The following NAA15 variants were observed in gnomAD, a reference collection of about 807,000 sequenced individuals.
The protein encoded by NAA15 is N-alpha-acetyltransferase 15, NatA auxiliary subunit, also known as N-terminal acetyltransferase.
NAA15 carries 34 observed loss-of-function variants against 114.0 expected under a neutral mutation model. The observed-to-expected ratio is 0.30, with a 90% CI of 0.23 to 0.40. NAA15 has a LOEUF of 0.40. Among genes scored for constraint, NAA15 ranks in the 10% least tolerant of loss-of-function variants. The pLI is 1.00. For synonymous variants in NAA15, 340 were observed against 338.0 expected, an observed-to-expected ratio of 1.01 and a Z score of -0.06; for missense variants, 658 against 1,004.5, an observed-to-expected ratio of 0.66 and a Z score of 4.66.
chr4:139,322,405 T>C (rs933540234), intron 1 of NAA15, among the ~76,000 whole-genome samples: 6 of 152,236 alleles, frequency 3.9e-5, no homozygotes, highest in Non-Finnish European at 4.4e-5. Flanking sequence ...CTCTTTGTTT[T>C]GTAAATTGCC....
chr4:139,307,906 A>G (rs1746077402), intron 1 of NAA15, among the ~76,000 whole-genome samples: 1 of 152,128 alleles, frequency 6.6e-6, no homozygotes, highest in South Asian at 2.1e-4. Context: ...TTGTTAGGCA[A>G]AGGAGTAGTA....
In NAA15 at chr4:139,315,511, G is replaced by A. The variant is rs145284199; in HGVS notation, c.54+13680G>A. 1.1e-3 allele frequency among the ~76,000 whole-genome samples: 170 copies of A among 151,840 alleles called. 3 individuals are homozygous for A. The highest frequency in any genetic ancestry group is 4.0e-3 in the African/African-American group (164 of 41,362). ...CCAGCCTGAGTGACAGCGTGAGACCGCGTCTCAAGAACAACAATAACAACA... is the reference window on the plus strand; with the variant it reads ...CCAGCCTGAGTGACAGCGTGAGACCACGTCTCAAGAACAACAATAACAACA... On this transcript the variant is annotated intron_variant, in intron 1 of 19. Transcript: ENST00000296543.
chr4:139,374,079 TA>T (rs1748516352), intron 15 of NAA15, among the ~76,000 whole-genome samples: 1 of 152,208 alleles, frequency 6.6e-6, no homozygotes, highest in African/African-American at 2.4e-5. Context: ...AGTCTTTCTT[TA>T]AAAAGTTGTA....
intron 15 of NAA15, among the ~76,000 whole-genome samples, chr4:139,371,133 C>T (rs148029394): frequency 4.9e-4 from 75 of 152,228 alleles, no homozygotes; most frequent in Middle Eastern, 3.4e-3. Context: ...AGGAAGCAGT[C>T]GCCCCAGACT....
At chr4:139,333,168 T>C (rs975545034) in intron 1 of NAA15, among the ~76,000 whole-genome samples, 4 of 151,722 alleles carry the variant, frequency 2.6e-5, no homozygotes, top group African/African-American at 9.7e-5. Context: ...TTTTTTTTCC[T>C]AATACTTTCT....
intron 4 of NAA15, 83 bp from the exon 5 acceptor site, chr4:139,342,743 T>C (rs1747450530): frequency 7.4e-7 from 1 of 1,358,654 alleles, no homozygotes; most frequent in Non-Finnish European, 1.0e-6. Flanking sequence ...CCACTGCGCC[T>C]GGCCTAATAT....
chr4:139,332,280 G>A (rs1055441022), intron 1 of NAA15, among the ~76,000 whole-genome samples: 4 of 151,662 alleles, frequency 2.6e-5, no homozygotes, highest in African/African-American at 4.8e-5. Flanking sequence ...ACAGGCGCCC[G>A]CCACCATGCC....
intron 1 of NAA15, among the ~76,000 whole-genome samples, chr4:139,324,149 T>A (rs1294318802): frequency 5.3e-5 from 8 of 152,212 alleles, no homozygotes; most frequent in African/African-American, 1.9e-4. Context: ...CCCAAAGTGC[T>A]GCAGTTACAG....
intron 1 of NAA15, among the ~76,000 whole-genome samples, chr4:139,313,149 A>G (rs1746274444): frequency 6.6e-6 from 1 of 151,948 alleles, no homozygotes; most frequent in South Asian, 2.1e-4. Flanking sequence ...GAGAAGTGAA[A>G]GTTTGCTTTT....
intron 1 of NAA15, among the ~76,000 whole-genome samples, chr4:139,305,931 TAC>T (rs1745996548): frequency 6.6e-6 from 1 of 152,222 alleles, no homozygotes; most frequent in African/African-American, 2.4e-5. Flanking sequence ...AAGTAGGAAA[TAC>T]AGTTAGTTTG....
At chr4:139,364,476 C>T (rs1021978824) in intron 14 of NAA15, among the ~76,000 whole-genome samples, 1 of 152,066 alleles carries the variant, frequency 6.6e-6, no homozygotes, top group Non-Finnish European at 1.5e-5. Context: ...TTTCCACCTC[C>T]CTTCCTCCCC....
chr4:139,369,386 G>T (rs754418125), intron 14 of NAA15, among the ~76,000 whole-genome samples: 15 of 152,122 alleles, frequency 9.9e-5, no homozygotes, highest in Non-Finnish European at 1.6e-4. Flanking sequence ...TATCCCATAT[G>T]GTTTCAAGAA....
At chr4:139,321,208 A>C (rs143417594) in intron 1 of NAA15, among the ~76,000 whole-genome samples, 1 of 151,520 alleles carries the variant, frequency 6.6e-6, no homozygotes, top group African/African-American at 2.4e-5. Flanking sequence ...TGTTGGGTTA[A>C]ATTTGCTCTT....
At chr4:139,354,148 A>C in intron 10 of NAA15, 50 bp downstream of exon 10, 1 of 1,421,832 alleles carries the variant, frequency 7.0e-7, no homozygotes, top group Non-Finnish European at 9.9e-7. Flanking sequence ...ATTTTAATAC[A>C]TTGTGAAATT....
At chr4:139,385,931 T>G (rs1579143094) in intron 18 of NAA15, among the ~76,000 whole-genome samples, 1 of 152,230 alleles carries the variant, frequency 6.6e-6, no homozygotes, top group Non-Finnish European at 1.5e-5. Context: ...ACCTCTATTG[T>G]TCTCTTTCTT....
rs1294195844 is a variant in NAA15 at position 139,349,558 on chromosome 4, G to C, written c.788G>C (p.Gly263Ala). The change falls in exon 7 of 20, where the codon GGC (glycine) becomes GCC (alanine). Residue 263 changes from glycine (G) to alanine (A), a missense_variant. Around this residue, in one of 6 missense-constraint regions of NAA15, gnomAD observed 281 missense variants for 389.1 expected, o/e 0.72. Coordinates refer to ENST00000296543, the MANE Select transcript of NAA15 (RefSeq NM_057175.5). Reference sequence around the variant, plus strand: ...CCTGAAAACTGGGCCTATTACAAAGGCTTGGAAAAAGCACTCAAGCCAGGT... The same window carrying C: ...CCTGAAAACTGGGCCTATTACAAAGCCTTGGAAAAAGCACTCAAGCCAGGT... ...RNPENWAYYKGLEKALKPANM... is the reference protein window; with the variant it reads ...RNPENWAYYKALEKALKPANM... 1.2e-6 allele frequency: 2 copies of C among 1,610,142 alleles called. No homozygotes were observed. The highest frequency in any genetic ancestry group is 2.7e-5 in the African/African-American group (2 of 74,612).
At chr4:139,385,204 C>T (rs1356924890) in intron 18 of NAA15, among the ~76,000 whole-genome samples, 1 of 147,082 alleles carries the variant, frequency 6.8e-6, no homozygotes, top group Non-Finnish European at 1.5e-5. Context: ...ATCACTTGAG[C>T]CCAGGAATTT....
chr4:139,308,250 C>T (rs1373000279), intron 1 of NAA15, among the ~76,000 whole-genome samples: 3 of 152,096 alleles, frequency 2.0e-5, no homozygotes, highest in African/African-American at 7.2e-5. Flanking sequence ...CATGAACCAC[C>T]GCGCCCGGCC....
chr4:139,344,712 T>C (rs1017774571), intron 6 of NAA15, among the ~76,000 whole-genome samples: 34 of 152,314 alleles, frequency 2.2e-4, no homozygotes, highest in African/African-American at 8.2e-4. Flanking sequence ...GTGTATGTAG[T>C]ATGTGCCAGA....
Sources: allele counts gnomAD v4.1 joint callset (sites outside exome capture counted in the v4.1 genomes callset), GRCh38; gene constraint gnomAD v4.1.1; regional missense constraint gnomAD v4.1.1; transcripts MANE v1.5; gene names NCBI Gene and HGNC (gene_info 2026-07-23, HGNC 2026-07-21).